The following ZNF608 variants were observed in gnomAD, a reference collection of about 807,000 sequenced individuals.
ZNF608 encodes the protein renal carcinoma antigen NY-REN-36.
In ZNF608, 12 loss-of-function variants were observed where a neutral mutation model predicts 109.0. That is an observed-to-expected ratio of 0.11 (90% CI 0.07 to 0.18). ZNF608 has a LOEUF of 0.18. Among genes scored for constraint, ZNF608 ranks in the 10% least tolerant of loss-of-function variants. The probability of loss-of-function intolerance (pLI) is 1.00; values close to 1 mark genes in which losing one functional copy is unlikely to be tolerated. For synonymous variants in ZNF608, 732 were observed against 717.4 expected, an observed-to-expected ratio of 1.02 and a Z score of -0.33; for missense variants, 1,707 against 1,879.3, an observed-to-expected ratio of 0.91 and a Z score of 1.70.
chr5:124,648,105 G>T lies in ZNF608; in HGVS notation c.2279C>A (p.Thr760Asn). ...IAIPTATFTT[T>N]TTGTIPGLPS... ...CAGTCCGGGTATTGTCCCAGTGGTGGTCGTTGTAAAGGTTGCAGTGGGTAT... is the reference window on the plus strand; with the variant it reads ...CAGTCCGGGTATTGTCCCAGTGGTGTTCGTTGTAAAGGTTGCAGTGGGTAT... Residue 760 changes from threonine (T) to asparagine (N), a missense_variant, in exon 5 of 10, where the codon ACC becomes AAC. Thr to Asn is a moderately conservative substitution (Grantham distance 65). Transcript: ENST00000513986. 6.2e-7 allele frequency: 1 copy of T among 1,613,964 alleles called. No homozygotes were observed. Among genetic ancestry groups the T allele is most frequent in the Non-Finnish European group, 8.5e-7 (1 of 1,180,004 alleles).
At chr5:124,679,012 A>G (rs1337049930) in intron 3 of ZNF608, among the ~76,000 whole-genome samples, 1 of 152,228 alleles carries the variant, frequency 6.6e-6, no homozygotes, top group Non-Finnish European at 1.5e-5. Flanking sequence ...ACTGTGAGCT[A>G]CTGCCGGGGA....
intron 2 of ZNF608, among the ~76,000 whole-genome samples, chr5:124,738,711 A>T (rs145623320): frequency 1.3e-5 from 2 of 152,288 alleles, no homozygotes; most frequent in African/African-American, 4.8e-5. Flanking sequence ...TCCCCCTCCC[A>T]CAAGACATCT....
intron 3 of ZNF608, among the ~76,000 whole-genome samples, chr5:124,654,712 A>T (rs1253493016): frequency 6.6e-6 from 1 of 152,200 alleles, no homozygotes; most frequent in African/African-American, 2.4e-5. Flanking sequence ...AGCAAGTGAG[A>T]GAACTGATGA....
intron 2 of ZNF608, among the ~76,000 whole-genome samples, chr5:124,701,678 A>G (rs4579258): frequency 0.39 from 58,820 of 152,120 alleles, 12,154 homozygotes; most frequent in East Asian, 0.68. Context: ...AAATTTAAGT[A>G]TAAGAGATGA....
chr5:124,681,872 A>G lies in ZNF608; in HGVS notation c.1162+19142T>C, dbSNP rs562463209. 7.9e-5 allele frequency among the ~76,000 whole-genome samples: 12 copies of G among 152,336 alleles called. No individual in the cohort carries two copies. In the South Asian group the frequency reaches 2.5e-3, roughly 32 times the overall value. On this transcript the variant is annotated intron_variant, in intron 3 of 9. Transcript: ENST00000513986. ...TACAAGATCTGAAATCAGGAAGGAC[A>G]TTGGACTCCTCGGAGACAACACTGG... is the stretch of plus-strand genomic sequence containing the variant.
intron 2 of ZNF608, among the ~76,000 whole-genome samples, chr5:124,714,064 G>A (rs957720998): frequency 7.2e-5 from 11 of 152,104 alleles, no homozygotes; most frequent in Admixed American, 3.9e-4. Flanking sequence ...CCATTGTGCT[G>A]GGTGCTAATG....
At chr5:124,742,499 G>A (rs1180399069) in intron 2 of ZNF608, among the ~76,000 whole-genome samples, 14 of 152,158 alleles carry the variant, frequency 9.2e-5, no homozygotes, top group Non-Finnish European at 8.8e-5. Context: ...GGCAACAAAA[G>A]TAAATGCCCT....
intron 8 of ZNF608, among the ~76,000 whole-genome samples, chr5:124,640,710 C>G (rs1750200451): frequency 6.6e-6 from 1 of 152,334 alleles, no homozygotes; most frequent in South Asian, 2.1e-4. Context: ...TCATATCAAT[C>G]CTATGGCTTA....
intron 3 of ZNF608, among the ~76,000 whole-genome samples, chr5:124,683,133 T>G (rs1463220679): frequency 6.6e-6 from 1 of 152,034 alleles, no homozygotes; most frequent in Non-Finnish European, 1.5e-5. Flanking sequence ...AATTGCCCCG[T>G]GAGGAATTAA....
rs978519001 is a variant in ZNF608 at position 124,637,380 on chromosome 5, T to C, written c.*520A>G. On this transcript the variant is annotated 3_prime_UTR_variant, in exon 10 of 10. Transcript: ENST00000513986. Reference sequence around the variant, plus strand: ...TGCGTCTTTAACAGGAGCCACCAAATAGACATCTAAATTGTACCAAAGTGT... The same window carrying C: ...TGCGTCTTTAACAGGAGCCACCAAACAGACATCTAAATTGTACCAAAGTGT... 6.6e-6 allele frequency: 1 copy of C among 152,584 alleles called. No individual in the cohort carries two copies. The highest frequency in any genetic ancestry group is 1.5e-5 in the Non-Finnish European group (1 of 68,034). The allele number at this position is 152,584 out of a possible 1,614,324, so 9.5% of individuals were successfully genotyped here. A position where few individuals can be genotyped will look rare whatever the true frequency, so the allele number is the denominator to read the frequency against.
chr5:124,741,044 C>T (rs553161780), intron 2 of ZNF608, among the ~76,000 whole-genome samples: 1 of 152,222 alleles, frequency 6.6e-6, no homozygotes, highest in East Asian at 1.9e-4. Context: ...GTTTTAACAA[C>T]CAAAAGCCAA....
chr5:124,724,795 A>G (rs1470316512), intron 2 of ZNF608, among the ~76,000 whole-genome samples: 1 of 152,184 alleles, frequency 6.6e-6, no homozygotes, highest in African/African-American at 2.4e-5. Flanking sequence ...ACGGGGTAAC[A>G]TCATCTCCCT....
chr5:124,712,869 T>C (rs1161342563), intron 2 of ZNF608, among the ~76,000 whole-genome samples: 4 of 152,212 alleles, frequency 2.6e-5, no homozygotes, highest in African/African-American at 9.6e-5. Flanking sequence ...CTCCACACCA[T>C]GCTGCAAGTC....
intron 3 of ZNF608, among the ~76,000 whole-genome samples, chr5:124,651,849 C>T (rs574501539): frequency 5.9e-5 from 9 of 152,220 alleles, no homozygotes; most frequent in African/African-American, 1.2e-4. Context: ...AGGGACGCAT[C>T]CCCCACGGCG....
In ZNF608 at chr5:124,647,393, G is replaced by A. The variant is rs780853033; in HGVS notation, c.2991C>T (p.Tyr997=). ...SQLKESHSPY[Y]HSYDPYYSPS... Reference sequence around the variant, plus strand: ...GAGAATAATAAGGATCATAGCTGTGGTAATAGGGAGAATGGGACTCTTTCA... The same window carrying A: ...GAGAATAATAAGGATCATAGCTGTGATAATAGGGAGAATGGGACTCTTTCA... The change falls in exon 5 of 10, where the codon TAC becomes TAT. Residue 997 remains tyrosine (Y), a synonymous_variant. Coordinates refer to ENST00000513986, the MANE Select transcript of ZNF608 (RefSeq NM_020747.3). The A allele has an allele frequency of 5.6e-6, 9 of 1,614,216 alleles. No homozygotes were observed. Among genetic ancestry groups the A allele is most frequent in the South Asian group, 5.5e-5 (5 of 91,086 alleles).
At chr5:124,700,349 A>G (rs1452205051) in intron 3 of ZNF608, among the ~76,000 whole-genome samples, 1 of 152,256 alleles carries the variant, frequency 6.6e-6, no homozygotes, top group Non-Finnish European at 1.5e-5. Context: ...TCTGATTTAT[A>G]TTCCAATAGC....
At chr5:124,685,019 T>C (rs1231281575) in intron 3 of ZNF608, among the ~76,000 whole-genome samples, 1 of 152,240 alleles carries the variant, frequency 6.6e-6, no homozygotes, top group Non-Finnish European at 1.5e-5. Context: ...TCATGCCCTT[T>C]CAGAGGATCT....
chr5:124,747,425 G>C (rs142914855), upstream of ZNF608, among the ~76,000 whole-genome samples: 74 of 152,016 alleles, frequency 4.9e-4, no homozygotes, highest in Non-Finnish European at 9.9e-4. Flanking sequence ...GGGAGAGGGG[G>C]ATGGGCGAGT....
intron 3 of ZNF608, among the ~76,000 whole-genome samples, chr5:124,696,942 C>G (rs114205241): frequency 0.013 from 2,027 of 152,186 alleles, 24 homozygotes; most frequent in Non-Finnish European, 0.021. Flanking sequence ...AACACCAATA[C>G]CAAACCAGAC....
Sources: gnomAD v4.1 joint callset for allele counts (sites outside exome capture counted in the v4.1 genomes callset) on GRCh38, gnomAD v4.1.1 for gene constraint, MANE v1.5 for transcripts, NCBI Gene and HGNC (gene_info 2026-07-23, HGNC 2026-07-21) for gene names.